The following KCTD8 variants were observed in gnomAD, a reference collection of about 807,000 sequenced individuals.
KCTD8 encodes the protein BTB/POZ domain-containing protein KCTD8.
Under a neutral mutation model 31.5 loss-of-function variants are expected in KCTD8, and 27 were observed. The ratio of observed to expected loss-of-function variants is 0.86; its 90% CI spans 0.63 to 1.18. The LOEUF (loss-of-function observed/expected upper bound fraction) is 1.18, where lower values mean the gene tolerates loss of function less well. Ranked by LOEUF, KCTD8 falls within the 50% of genes most tolerant of loss-of-function variation. The probability of loss-of-function intolerance (pLI) is 0.00; values close to 1 mark genes in which losing one functional copy is unlikely to be tolerated. For synonymous variants in KCTD8, 290 were observed against 280.0 expected, an observed-to-expected ratio of 1.04 and a Z score of -0.36; for missense variants, 658 against 647.7, an observed-to-expected ratio of 1.02 and a Z score of -0.17.
Position 44,280,426 on chromosome 4 carries a change from A to C in KCTD8, c.962-105176T>G, listed in dbSNP as rs1216441025. Among the ~76,000 whole-genome samples, 6 of 152,162 alleles carry C rather than the reference A, an allele frequency of 3.9e-5. No homozygotes were observed. The East Asian group carries it at 1.2e-3, about 29-fold the overall frequency. ...ACACTCAGCTTTTCTATCACCGTCG[A>C]GAGCTGCATCCTTTTCTCAAATTTA... On this transcript the variant is annotated intron_variant, in intron 1 of 1. Transcript: ENST00000360029.
chr4:44,228,264 A>C (rs1577841515), intron 1 of KCTD8, among the ~76,000 whole-genome samples: 1 of 152,204 alleles, frequency 6.6e-6, no homozygotes, highest in East Asian at 1.9e-4. Context: ...TTGGCTTGTA[A>C]ATGGCTTTCT....
At chr4:44,180,334 A>T (rs1190969708) in intron 1 of KCTD8, among the ~76,000 whole-genome samples, 2 of 150,968 alleles carry the variant, frequency 1.3e-5, no homozygotes, top group East Asian at 1.9e-4. Flanking sequence ...ATTTATCTGT[A>T]AAAAAAAAGA....
At chr4:44,356,973 A>G (rs1719358953) in intron 1 of KCTD8, among the ~76,000 whole-genome samples, 1 of 152,068 alleles carries the variant, frequency 6.6e-6, no homozygotes. Context: ...AAACTGTAAC[A>G]TTCCATGAAA....
intron 1 of KCTD8, among the ~76,000 whole-genome samples, chr4:44,316,604 GA>G (rs1181208899): frequency 1.3e-5 from 2 of 151,672 alleles, no homozygotes; most frequent in African/African-American, 4.8e-5. Flanking sequence ...AATTTCTATA[GA>G]AATATTGAGG....
At chr4:44,250,615 T>C (rs1577575240) in intron 1 of KCTD8, among the ~76,000 whole-genome samples, 1 of 151,742 alleles carries the variant, frequency 6.6e-6, no homozygotes, top group Admixed American at 6.6e-5. Context: ...CTTACAATTC[T>C]CTCTCTAGGT....
intron 1 of KCTD8, among the ~76,000 whole-genome samples, chr4:44,273,757 C>G (rs1452836452): frequency 6.6e-6 from 1 of 151,768 alleles, no homozygotes; most frequent in African/African-American, 2.4e-5. Context: ...GTCAGTTAAG[C>G]CAAATAATCT....
At chr4:44,346,325 T>C (rs1719036130) in intron 1 of KCTD8, among the ~76,000 whole-genome samples, 1 of 152,158 alleles carries the variant, frequency 6.6e-6, no homozygotes, top group Non-Finnish European at 1.5e-5. Context: ...TGGGGAAATA[T>C]CATAGCACAC....
chr4:44,344,954 T>C (rs1236294711), intron 1 of KCTD8, among the ~76,000 whole-genome samples: 4 of 152,144 alleles, frequency 2.6e-5, no homozygotes, highest in African/African-American at 4.8e-5. Flanking sequence ...GCTTAAACTT[T>C]AGCTCTCATT....
chr4:44,247,045 T>C (rs556504738), intron 1 of KCTD8, among the ~76,000 whole-genome samples: 1 of 152,020 alleles, frequency 6.6e-6, no homozygotes, highest in Non-Finnish European at 1.5e-5. Context: ...CCAATTTATA[T>C]CCATAGTCCA....
intron 1 of KCTD8, among the ~76,000 whole-genome samples, chr4:44,332,190 T>C (rs1038662204): frequency 6.6e-6 from 1 of 151,956 alleles, no homozygotes; most frequent in African/African-American, 2.4e-5. Context: ...TTCTTAAGTA[T>C]CAAATAAGTG....
chr4:44,303,975 T>G (rs2109394379), intron 1 of KCTD8, among the ~76,000 whole-genome samples: 1 of 152,268 alleles, frequency 6.6e-6, no homozygotes, highest in South Asian at 2.1e-4. Context: ...AAATCAATAA[T>G]GTCTCAATAT....
chr4:44,288,589 C>A lies in KCTD8; in HGVS notation c.962-113339G>T, dbSNP rs183273380. Among the ~76,000 whole-genome samples the A allele has an allele frequency of 2.4e-3, 372 of 152,078 alleles. 5 individuals are homozygous for A. The highest frequency in any genetic ancestry group is 5.2e-4 in the Non-Finnish European group (35 of 67,912). ...TTGAAACAATCAAAAACATTGGATG[C>A]CTATTCTGTATGACAGTTATTTTCT... On this transcript the variant is annotated intron_variant, in intron 1 of 1. Coordinates refer to ENST00000360029, the MANE Select transcript of KCTD8 (RefSeq NM_198353.3).
chr4:44,271,371 T>C (rs1716593277), intron 1 of KCTD8, among the ~76,000 whole-genome samples: 1 of 152,124 alleles, frequency 6.6e-6, no homozygotes, highest in Admixed American at 6.6e-5. Context: ...ATTACTTCAT[T>C]ATGAGAGACA....
intron 1 of KCTD8, among the ~76,000 whole-genome samples, chr4:44,258,442 A>G (rs765215781): frequency 1.3e-5 from 2 of 151,940 alleles, no homozygotes; most frequent in Non-Finnish European, 1.5e-5. Flanking sequence ...TAACTAATTC[A>G]TGTATCTGGG....
Position 44,433,420 on chromosome 4 carries a change from C to T in KCTD8, c.961+14143G>A, listed in dbSNP as rs539155025. Among the ~76,000 whole-genome samples the T allele has an allele frequency of 4.6e-5, 7 of 151,746 alleles. No homozygotes were observed. The South Asian group carries it at 1.5e-3, about 32-fold the overall frequency. On this transcript the variant is annotated intron_variant, in intron 1 of 1. Transcript: ENST00000360029. ...GGTCTGGGACATCCCACTTGGTTTC[C>T]CAGTTTCTTCTGTCCCACATGGGAC...
intron 1 of KCTD8, among the ~76,000 whole-genome samples, chr4:44,367,383 C>CCAAT (rs1223558972): frequency 2.0e-5 from 3 of 152,234 alleles, no homozygotes; most frequent in South Asian, 2.1e-4. Context: ...AACCAACCAA[C>CCAAT]CAATCAATCT....
In KCTD8 at chr4:44,192,475, TACACACACACAC is replaced by T. The variant is rs34405384; in HGVS notation, c.962-17237_962-17226del. On this transcript the variant is annotated intron_variant, in intron 1 of 1. Coordinates refer to ENST00000360029, the MANE Select transcript of KCTD8 (RefSeq NM_198353.3). ...GGATGGGGTGCAAGGTAAGCAAAGATACACACACACACACACACACACACACACACACACACA... is the reference window on the plus strand; with the variant it reads ...GGATGGGGTGCAAGGTAAGCAAAGATACACACACACACACACACACACACA... Among the ~76,000 whole-genome samples the T allele has an allele frequency of 9.5e-3, 1,309 of 137,172 alleles. 20 individuals are homozygous for T. The highest frequency in any genetic ancestry group is 0.032 in the African/African-American group (1,212 of 37,748). The allele number at this position is 137,172 out of a possible 152,430, so 90.0% of individuals were successfully genotyped here. A position where few individuals can be genotyped will look rare whatever the true frequency, so the allele number is the denominator to read the frequency against.
At chr4:44,321,695 T>C (rs1014288489) in intron 1 of KCTD8, among the ~76,000 whole-genome samples, 25 of 152,166 alleles carry the variant, frequency 1.6e-4, no homozygotes, top group Non-Finnish European at 7.4e-5. Flanking sequence ...ATACTAGAAC[T>C]CATTCCCTTT....
chr4:44,368,969 C>T (rs1719711437), intron 1 of KCTD8, among the ~76,000 whole-genome samples: 1 of 152,208 alleles, frequency 6.6e-6, no homozygotes, highest in South Asian at 2.1e-4. Context: ...AGCCACTCCT[C>T]AGTTGTTTCT....
Sources: gnomAD v4.1 joint callset for allele counts (sites outside exome capture counted in the v4.1 genomes callset) on GRCh38, gnomAD v4.1.1 for gene constraint, MANE v1.5 for transcripts, NCBI Gene and HGNC (gene_info 2026-07-23, HGNC 2026-07-21) for gene names.